Variants in GMPR observed in about 807,000 individuals in gnomAD.
GMPR encodes the protein guanosine monophosphate reductase.
A neutral mutation model predicts 38.4 loss-of-function variants in GMPR; 31 were observed. The observed-to-expected ratio is 0.81, with a 90% CI of 0.61 to 1.09. The LOEUF (loss-of-function observed/expected upper bound fraction) is 1.09. Among genes scored for constraint, GMPR ranks in the 50% least tolerant of loss-of-function variants. GMPR has a pLI of 0.00. For synonymous variants in GMPR, 162 were observed against 173.3 expected (o/e 0.93, Z 0.51); for missense variants, 468 against 453.7 (o/e 1.03, Z -0.29).
At chr6:16,262,634 G>A (rs1252991031) in intron 4 of GMPR, 1 of 152,044 alleles carries the variant, frequency 6.6e-6, no homozygotes, top group Non-Finnish European at 1.5e-5. Context: ...CTGTTGTGGG[G>A]TTTGAGGGCT....
intron 4 of GMPR, among the ~76,000 whole-genome samples, chr6:16,266,701 C>T (rs1369797658): frequency 1.3e-5 from 2 of 150,888 alleles, no homozygotes; most frequent in African/African-American, 4.9e-5. Context: ...GTCCCAGCTA[C>T]TCGGGAGGCT....
intron 7 of GMPR, among the ~76,000 whole-genome samples, chr6:16,286,450 C>T (rs535168150): frequency 6.6e-6 from 1 of 152,016 alleles, no homozygotes; most frequent in African/African-American, 2.4e-5. Context: ...TCAGAGCTGG[C>T]CGCGTGGCTG....
intron 6 of GMPR, among the ~76,000 whole-genome samples, chr6:16,284,929 G>A (rs890696350): frequency 2.0e-5 from 3 of 146,392 alleles, no homozygotes; most frequent in Non-Finnish European, 4.5e-5. Context: ...TGAGGCAGGA[G>A]AATTGCTTGA....
At chr6:16,286,241 G>A (rs547543765) in intron 7 of GMPR, among the ~76,000 whole-genome samples, 1 of 152,208 alleles carries the variant, frequency 6.6e-6, no homozygotes, top group African/African-American at 2.4e-5. Context: ...CTGGAGGCTG[G>A]AGCCTGCCTC....
intron 7 of GMPR, among the ~76,000 whole-genome samples, chr6:16,287,488 C>T (rs1347752551): frequency 2.6e-5 from 4 of 152,144 alleles, no homozygotes; most frequent in Admixed American, 1.3e-4. Flanking sequence ...TCAGTGCGGC[C>T]GTACCTGTGC....
At position 16,250,114 on chromosome 6, in the gene GMPR, T is replaced by C. The variant is rs116352774; in HGVS notation, c.208-170T>C. ...GGGAAACAGGGTTTTATGATTTCAA[T>C]GGTTGTACCTTTGTTTGGTTTTGGC... On this transcript the variant is annotated intron_variant, in intron 2 of 8. Transcript: ENST00000259727. Among the ~76,000 whole-genome samples, 852 of 152,358 alleles carry C rather than the reference T, an allele frequency of 5.6e-3. 11 individuals carry two copies. The highest frequency in any genetic ancestry group is 0.019 in the African/African-American group (806 of 41,586).
At chr6:16,264,894 C>T (rs1386949347) in intron 4 of GMPR, among the ~76,000 whole-genome samples, 1 of 152,132 alleles carries the variant, frequency 6.6e-6, no homozygotes, top group Non-Finnish European at 1.5e-5. Flanking sequence ...AGGCCTGACA[C>T]CTTTCACCTA....
At chr6:16,285,475 CCTCTGCCG>C (rs971481533) in intron 6 of GMPR, among the ~76,000 whole-genome samples, 7 of 152,202 alleles carry the variant, frequency 4.6e-5, no homozygotes, top group Admixed American at 4.6e-4. Flanking sequence ...GGGCTGAGCC[CCTCTGCCG>C]CTCACAGCCC....
chr6:16,292,917 A>C (rs1759866085), intron 8 of GMPR, among the ~76,000 whole-genome samples: 1 of 152,228 alleles, frequency 6.6e-6, no homozygotes, highest in African/African-American at 2.4e-5. Context: ...AAGTGGATTC[A>C]AATCTTTAAC....
chr6:16,275,612 A>G (rs956281669), intron 5 of GMPR, among the ~76,000 whole-genome samples: 4 of 34,876 alleles, frequency 1.1e-4, no homozygotes, highest in Non-Finnish European at 1.6e-4. Flanking sequence ...TTGAAAAGGC[A>G]AGAAAGGATA....
intron 1 of GMPR, among the ~76,000 whole-genome samples, chr6:16,241,512 C>G (rs1758647745): frequency 1.3e-5 from 2 of 152,206 alleles, no homozygotes; most frequent in African/African-American, 2.4e-5. Context: ...GGGAGGCATT[C>G]ATCTCTCAAA....
At chr6:16,246,813 C>G (rs368446203) in intron 1 of GMPR, 29 bp from the exon 2 acceptor site, 4 of 1,605,508 alleles carry the variant, frequency 2.5e-6, no homozygotes, top group Non-Finnish European at 3.4e-6. Flanking sequence ...ATTTCTTTCC[C>G]TTTTTCTTTC....
At chr6:16,250,475 T>G in intron 3 of GMPR, 108 bp downstream of exon 3, 1 of 746,474 alleles carries the variant, frequency 1.3e-6, no homozygotes, top group Non-Finnish European at 2.5e-6. Context: ...GAGAGTTCGG[T>G]GTTTCTCTAG....
chr6:16,280,511 A>C (rs1422050349), intron 6 of GMPR, among the ~76,000 whole-genome samples: 1 of 152,246 alleles, frequency 6.6e-6, no homozygotes, highest in Non-Finnish European at 1.5e-5. Context: ...TGAACAAATT[A>C]ATATCCATTT....
intron 6 of GMPR, among the ~76,000 whole-genome samples, chr6:16,283,034 C>T (rs767547877): frequency 1.3e-5 from 2 of 152,124 alleles, no homozygotes; most frequent in African/African-American, 4.8e-5. Flanking sequence ...GTCTTGAACT[C>T]CTGACCCTAG....
At position 16,249,723 on chromosome 6, in the gene GMPR, A is replaced by T. The variant is rs1047928081; in HGVS notation, c.208-561A>T. On this transcript the variant is annotated intron_variant, in intron 2 of 8. Coordinates refer to ENST00000259727, the MANE Select transcript of GMPR (RefSeq NM_006877.4). ...AAACGACTGACACAAAGCGGGTCAT[A>T]AATGCTGGGGCAGTAGTCATAGGTT... Among the ~76,000 whole-genome samples the T allele has an allele frequency of 2.6e-5, 4 of 152,276 alleles. No homozygotes were observed. The East Asian group carries it at 7.7e-4, about 29-fold the overall frequency.
intron 4 of GMPR, among the ~76,000 whole-genome samples, chr6:16,266,082 G>T (rs1439840429): frequency 6.6e-6 from 1 of 151,414 alleles, no homozygotes; most frequent in Non-Finnish European, 1.5e-5. Flanking sequence ...CTCCCGACGG[G>T]CTACCTTTAA....
chr6:16,269,763 C>T (rs1759345014), intron 4 of GMPR, among the ~76,000 whole-genome samples: 1 of 152,174 alleles, frequency 6.6e-6, no homozygotes, highest in African/African-American at 2.4e-5. Flanking sequence ...CGCCATTGCA[C>T]TCCAGCCTGG....
chr6:16,266,075 CCGA>C (rs749573101), intron 4 of GMPR, among the ~76,000 whole-genome samples: 46 of 151,654 alleles, frequency 3.0e-4, no homozygotes, highest in Non-Finnish European at 2.5e-4. Context: ...TGAACAACTC[CCGA>C]CGGGCTACCT....
Sources: gnomAD v4.1 joint callset for allele counts (sites outside exome capture counted in the v4.1 genomes callset) on GRCh38, gnomAD v4.1.1 for gene constraint, MANE v1.5 for transcripts, NCBI Gene and HGNC (gene_info 2026-07-23, HGNC 2026-07-21) for gene names.